Variants in SOX5 observed in about 807,000 individuals in gnomAD.
SOX5 encodes SRY-box transcription factor 5, also known as transcription factor SOX-5.
Under a neutral mutation model 92.0 loss-of-function variants are expected in SOX5, and 9 were observed. The ratio of observed to expected loss-of-function variants is 0.10; its 90% CI spans 0.06 to 0.17. SOX5 has a LOEUF of 0.17. Among genes scored for constraint, SOX5 ranks in the 10% least tolerant of loss-of-function variants. The pLI is 1.00. For synonymous variants in SOX5, 344 were observed against 336.3 expected (o/e 1.02, Z -0.25); for missense variants, 642 against 944.5 (o/e 0.68, Z 4.20).
upstream of SOX5, chr12:23,951,074 G>A (rs768325773): frequency 1.9e-5 from 9 of 480,338 alleles, no homozygotes; most frequent in Non-Finnish European, 3.0e-5. Flanking sequence ...TACAGAGCCC[G>A]CCCCAATAAG....
chr12:23,850,790 C>G (rs1044288923), intron 2 of SOX5, among the ~76,000 whole-genome samples: 10 of 152,154 alleles, frequency 6.6e-5, no homozygotes, highest in Admixed American at 5.9e-4. Flanking sequence ...GACTACCGAT[C>G]CCTTGAAGAT....
At chr12:24,135,930 T>C (rs1950068564) in intron 4 of SOX5, among the ~76,000 whole-genome samples, 1 of 152,218 alleles carries the variant, frequency 6.6e-6, no homozygotes, top group African/African-American at 2.4e-5. Context: ...GTATTTCATT[T>C]GGTAGATGAT....
intron 4 of SOX5, among the ~76,000 whole-genome samples, chr12:24,037,203 G>T (rs928104744): frequency 6.6e-6 from 1 of 152,068 alleles, no homozygotes; most frequent in African/African-American, 2.4e-5. Context: ...AGCTATTCAA[G>T]TAGGCTCTTA....
intron 4 of SOX5, among the ~76,000 whole-genome samples, chr12:24,130,947 C>T (rs1463923152): frequency 1.3e-5 from 2 of 152,234 alleles, no homozygotes; most frequent in African/African-American, 4.8e-5. Context: ...AAGTGACTCA[C>T]TGTTTTCCAT....
intron 9 of SOX5, 111 bp downstream of exon 9, chr12:23,604,276 T>G: frequency 8.7e-7 from 1 of 1,147,150 alleles, no homozygotes; most frequent in African/African-American, 1.5e-5. Context: ...TCTTACCTCC[T>G]TGTACACCCA....
intron 4 of SOX5, among the ~76,000 whole-genome samples, chr12:24,151,208 G>C (rs1262623849): frequency 6.6e-6 from 1 of 152,112 alleles, no homozygotes; most frequent in Non-Finnish European, 1.5e-5. Context: ...ATAGCAGTGA[G>C]AAAGTTGGGA....
intron 1 of SOX5, among the ~76,000 whole-genome samples, chr12:23,947,470 GAC>G (rs1357176833): frequency 3.3e-5 from 5 of 151,800 alleles, no homozygotes; most frequent in African/African-American, 9.7e-5. Context: ...TGCCTATAGA[GAC>G]ACTCACCCGT....
intron 9 of SOX5, among the ~76,000 whole-genome samples, chr12:23,583,539 G>A (rs1045657652): frequency 6.6e-6 from 1 of 152,200 alleles, no homozygotes; most frequent in South Asian, 2.1e-4. Flanking sequence ...CTGGTCCCCA[G>A]ACAACTTCAA....
At chr12:24,238,350 CAA>C (rs1325659508) in intron 3 of SOX5, among the ~76,000 whole-genome samples, 1 of 152,098 alleles carries the variant, frequency 6.6e-6, no homozygotes, top group Non-Finnish European at 1.5e-5. Context: ...AGGCACTTCA[CAA>C]GAGTAGTTTT....
chr12:24,454,785 ATAAC>A (rs954876840), intron 1 of SOX5, among the ~76,000 whole-genome samples: 13 of 152,282 alleles, frequency 8.5e-5, no homozygotes, highest in Non-Finnish European at 1.6e-4. Flanking sequence ...TATGGTAATA[ATAAC>A]TAATTTTTTT....
intron 1 of SOX5, among the ~76,000 whole-genome samples, chr12:24,478,514 A>T (rs749942353): frequency 9.2e-5 from 14 of 152,206 alleles, no homozygotes; most frequent in Non-Finnish European, 1.8e-4. Flanking sequence ...CACCCAGATG[A>T]CTGGGATGAG....
Position 24,237,587 on chromosome 12 carries a change from CT to C in SOX5, c.-76-24171del, listed in dbSNP as rs138580187. ...AACTCCAAGCCTGGAAGTCGTAAGA[CT>C]TTTTTTTTTTTTCATAAGCAACCTG... On this transcript the variant is annotated intron_variant, in intron 3 of 4. Coordinates refer to the SOX5 transcript ENST00000446891. Among the ~76,000 whole-genome samples, 560 of 142,862 alleles carry C rather than the reference CT, an allele frequency of 3.9e-3. 1 individual carries two copies. Among genetic ancestry groups the C allele is most frequent in the Non-Finnish European group, 4.6e-3 (297 of 65,054 alleles). The allele number at this position is 142,862 out of a possible 152,430, so 93.7% of individuals were successfully genotyped here. A position where few individuals can be genotyped will look rare whatever the true frequency, so the allele number is the denominator to read the frequency against.
intron 2 of SOX5, among the ~76,000 whole-genome samples, chr12:23,850,240 C>A (rs1316021027): frequency 6.6e-6 from 1 of 151,800 alleles, no homozygotes; most frequent in African/African-American, 2.4e-5. Flanking sequence ...ACTGTCCTGG[C>A]CAACATGGTG....
At position 24,074,630 on chromosome 12, in the gene SOX5, C is replaced by CAAAAAAAAAAAAAAAAAAAA. The variant is rs76320418; in HGVS notation, c.-2+138693_-2+138712dup. 1.8e-4 allele frequency among the ~76,000 whole-genome samples: 9 copies of CAAAAAAAAAAAAAAAAAAAA among 51,274 alleles called. 1 individual carries two copies. Among genetic ancestry groups the CAAAAAAAAAAAAAAAAAAAA allele is most frequent in the South Asian group, 2.0e-3 (2 of 976 alleles). The allele number at this position is 51,274 out of a possible 152,430, so 33.6% of individuals were successfully genotyped here. On this transcript the variant is annotated intron_variant, in intron 4 of 4. Coordinates refer to the SOX5 transcript ENST00000446891. ...CTTAGTGTTTATTTCTGTAAACTAC[C>CAAAAAAAAAAAAAAAAAAAA]AAAAAAAAAAAAAAAAAAAAAAAGC...
intron 4 of SOX5, among the ~76,000 whole-genome samples, chr12:23,981,870 C>A (rs996619390): frequency 6.6e-6 from 1 of 151,950 alleles, no homozygotes; most frequent in African/African-American, 2.4e-5. Flanking sequence ...CAATGATCAC[C>A]AGAAAAATTA....
chr12:23,791,313 CAG>C (rs950569620), intron 3 of SOX5, among the ~76,000 whole-genome samples: 5 of 152,122 alleles, frequency 3.3e-5, no homozygotes, highest in Admixed American at 2.6e-4. Flanking sequence ...TTTTTAGAAA[CAG>C]AGTCTCACTA....
At chr12:23,878,372 C>T (rs1053214307) in intron 2 of SOX5, among the ~76,000 whole-genome samples, 3 of 151,818 alleles carry the variant, frequency 2.0e-5, no homozygotes, top group Non-Finnish European at 2.9e-5. Context: ...ACACTTTTTC[C>T]TTTCTAGACT....
intron 4 of SOX5, among the ~76,000 whole-genome samples, chr12:24,063,556 A>G (rs1592799918): frequency 6.6e-6 from 1 of 152,350 alleles, no homozygotes; most frequent in East Asian, 1.9e-4. Flanking sequence ...TCCTATTACA[A>G]GAGATGCTTG....
intron 4 of SOX5, among the ~76,000 whole-genome samples, chr12:23,979,697 T>TGTTTTTTTG (rs1949310835): frequency 1.3e-5 from 1 of 75,168 alleles, no homozygotes; most frequent in African/African-American, 5.0e-5. Flanking sequence ...TATATATATA[T>TGTTTTTTTG]GTTTTTTTTG....
Sources: allele counts gnomAD v4.1 joint callset (sites outside exome capture counted in the v4.1 genomes callset), GRCh38; gene constraint gnomAD v4.1.1; transcripts MANE v1.5; gene names NCBI Gene and HGNC (gene_info 2026-07-23, HGNC 2026-07-21).